The following TRAPPC9 variants were observed in gnomAD, a reference collection of about 807,000 sequenced individuals.
The protein encoded by TRAPPC9 is IKK2 binding protein.
In TRAPPC9, 83 loss-of-function variants were observed where a neutral mutation model predicts 124.0. The ratio of observed to expected loss-of-function variants is 0.67; its 90% CI spans 0.56 to 0.80. The LOEUF (loss-of-function observed/expected upper bound fraction) is 0.80, where lower values mean the gene tolerates loss of function less well. Among genes scored for constraint, TRAPPC9 ranks in the 30% least tolerant of loss-of-function variants. The pLI is 0.00. For synonymous variants in TRAPPC9, 638 were observed against 617.5 expected, an observed-to-expected ratio of 1.03 and a Z score of -0.49; for missense variants, 1,302 against 1,508.3, an observed-to-expected ratio of 0.86 and a Z score of 2.27.
At chr8:140,272,673 G>A (rs2064991794) in intron 15 of TRAPPC9, among the ~76,000 whole-genome samples, 1 of 152,080 alleles carries the variant, frequency 6.6e-6, no homozygotes, top group Non-Finnish European at 1.5e-5. Flanking sequence ...GAGGGCCTGA[G>A]GAAGCTTCCA....
At chr8:140,366,828 C>T (rs1313022075) in intron 8 of TRAPPC9, among the ~76,000 whole-genome samples, 1 of 152,088 alleles carries the variant, frequency 6.6e-6, no homozygotes, top group Non-Finnish European at 1.5e-5. Context: ...AAAGACACAA[C>T]TGATAAAGGA....
intron 5 of TRAPPC9, among the ~76,000 whole-genome samples, chr8:140,406,245 C>T (rs1323435650): frequency 6.6e-6 from 1 of 152,162 alleles, no homozygotes; most frequent in Admixed American, 6.5e-5. Flanking sequence ...TTTGGAGCAA[C>T]TTCCATTTAA....
chr8:140,166,891 T>C (rs998658159), intron 17 of TRAPPC9, among the ~76,000 whole-genome samples: 3 of 152,240 alleles, frequency 2.0e-5, no homozygotes, highest in Non-Finnish European at 4.4e-5. Flanking sequence ...CCCTCCCAGC[T>C]GAGCCAAGAA....
At chr8:140,103,228 C>A (rs893504449) in intron 17 of TRAPPC9, among the ~76,000 whole-genome samples, 1 of 152,186 alleles carries the variant, frequency 6.6e-6, no homozygotes, top group Non-Finnish European at 1.5e-5. Flanking sequence ...TGTTTACGAG[C>A]TTCCCTTTTT....
chr8:140,058,592 A>C (rs764713140), intron 17 of TRAPPC9, among the ~76,000 whole-genome samples: 5 of 152,234 alleles, frequency 3.3e-5, no homozygotes, highest in African/African-American at 4.8e-5. Context: ...CTCACAGACA[A>C]AGACAAGCTG....
intron 21 of TRAPPC9, among the ~76,000 whole-genome samples, chr8:139,792,370 G>A (rs1822753243): frequency 6.6e-6 from 1 of 152,234 alleles, no homozygotes; most frequent in African/African-American, 2.4e-5. Flanking sequence ...AGAACAGTGT[G>A]AGCAGAGGCC....
At chr8:140,184,798 C>T (rs960437304) in intron 17 of TRAPPC9, among the ~76,000 whole-genome samples, 1 of 151,890 alleles carries the variant, frequency 6.6e-6, no homozygotes, top group Admixed American at 6.6e-5. Context: ...GAATAAGGTC[C>T]ATGAATTATT....
Position 139,872,343 on chromosome 8 carries a change from C to T in TRAPPC9, c.3055+13536G>A, listed in dbSNP as rs112775679. Among the ~76,000 whole-genome samples the T allele has an allele frequency of 1.3e-4, 6 of 47,556 alleles. No individual in the cohort carries two copies. The South Asian group carries it at 2.9e-3, about 23-fold the overall frequency. 31.2% of individuals were successfully genotyped at this position (47,556 alleles called of 152,430 possible). A position where few individuals can be genotyped will look rare whatever the true frequency, so the allele number is the denominator to read the frequency against. On this transcript the variant is annotated intron_variant, in intron 21 of 22. Transcript: ENST00000438773. The stretch of plus-strand genomic sequence containing the variant: ...GGTTGGATGAGTGGATGGATAGATG[C>T]GTAGGCTGGTGGATGGGTTGATGGG...
chr8:140,071,250 C>T (rs1843144042), intron 17 of TRAPPC9, among the ~76,000 whole-genome samples: 1 of 152,176 alleles, frequency 6.6e-6, no homozygotes, highest in South Asian at 2.1e-4. Context: ...ATGGACTGAG[C>T]TGCAAGAAGG....
At chr8:140,432,789 G>A (rs996205596) in intron 4 of TRAPPC9, among the ~76,000 whole-genome samples, 4 of 151,654 alleles carry the variant, frequency 2.6e-5, no homozygotes, top group Admixed American at 6.6e-5. Context: ...GGAGAATGAC[G>A]TGAACCCGGG....
chr8:140,311,434 T>C, intron 9 of TRAPPC9, 60 bp from the exon 10 acceptor site: 2 of 1,596,114 alleles, frequency 1.3e-6, no homozygotes, highest in Middle Eastern at 1.7e-4. Context: ...GTGGCTGGCT[T>C]TCATTTTACT....
At chr8:139,899,511 C>G (rs1830888934) in intron 20 of TRAPPC9, among the ~76,000 whole-genome samples, 1 of 152,170 alleles carries the variant, frequency 6.6e-6, no homozygotes. Flanking sequence ...AGAGGAGGCA[C>G]TGGTCTTGCT....
intron 9 of TRAPPC9, among the ~76,000 whole-genome samples, chr8:140,316,684 G>A (rs568180943): frequency 6.6e-6 from 1 of 152,282 alleles, no homozygotes; most frequent in East Asian, 1.9e-4. Flanking sequence ...ATCTTCATCA[G>A]GGATATCTGT....
chr8:140,057,478 G>A (rs771403803), intron 17 of TRAPPC9, among the ~76,000 whole-genome samples: 1 of 152,178 alleles, frequency 6.6e-6, no homozygotes, highest in East Asian at 1.9e-4. Context: ...AAATGTGGTC[G>A]ATAAATACAA....
At chr8:140,171,227 T>C (rs2061958430) in intron 17 of TRAPPC9, among the ~76,000 whole-genome samples, 1 of 152,190 alleles carries the variant, frequency 6.6e-6, no homozygotes, top group African/African-American at 2.4e-5. Context: ...AATCTTAATA[T>C]TCTTATGCAT....
Position 139,934,012 on chromosome 8 carries a change from G to A in TRAPPC9, c.2811-23712C>T, listed in dbSNP as rs551047309. 10 of 152,202 alleles carry A rather than the reference G, an allele frequency of 6.6e-5. No homozygotes were observed. The East Asian group carries it at 1.9e-3, about 29-fold the overall frequency. The allele number at this position is 152,202 out of a possible 1,614,324, so 9.4% of individuals were successfully genotyped here. A position where few individuals can be genotyped will look rare whatever the true frequency, so the allele number is the denominator to read the frequency against. ...ACCTACATGATCGTAATACCATCCT[G>A]TCCATATTTCTCCATCCTTAGCTGC... On this transcript the variant is annotated intron_variant, in intron 19 of 22. Transcript: ENST00000438773.
chr8:139,947,602 G>A (rs1052531063), intron 19 of TRAPPC9, among the ~76,000 whole-genome samples: 2 of 152,022 alleles, frequency 1.3e-5, no homozygotes, highest in African/African-American at 2.4e-5. Context: ...GCTCACGCCT[G>A]TAATCCCAGC....
intron 10 of TRAPPC9, among the ~76,000 whole-genome samples, chr8:140,304,670 C>G (rs147838545): frequency 6.6e-6 from 1 of 152,210 alleles, no homozygotes; most frequent in African/African-American, 2.4e-5. Context: ...ATTAACAACA[C>G]GAGCCCGCTC....
chr8:140,351,074 G>A (rs1381696061), intron 9 of TRAPPC9, among the ~76,000 whole-genome samples: 1 of 151,692 alleles, frequency 6.6e-6, no homozygotes, highest in Admixed American at 6.6e-5. Context: ...CCAAGGTGCA[G>A]AGGGGAGAGG....
Sources: allele counts gnomAD v4.1 joint callset (sites outside exome capture counted in the v4.1 genomes callset), GRCh38; gene constraint gnomAD v4.1.1; transcripts MANE v1.5; gene names NCBI Gene and HGNC (gene_info 2026-07-23, HGNC 2026-07-21).